FOXP2: variants seen among roughly 807,000 people sequenced by gnomAD.
FOXP2 encodes forkhead box protein P2.
A neutral mutation model predicts 115.8 loss-of-function variants in FOXP2; 12 were observed. The observed-to-expected ratio is 0.10, with a 90% CI of 0.07 to 0.17. FOXP2 has a LOEUF of 0.17. Ranked by LOEUF, FOXP2 falls within the 10% of genes least tolerant of loss-of-function variation. FOXP2 has a pLI of 1.00. For synonymous variants in FOXP2, 328 were observed against 297.7 expected (o/e 1.10, Z -1.05); for missense variants, 629 against 843.5 (o/e 0.75, Z 3.15).
chr7:114,162,161 G>T (rs1792857542), upstream of FOXP2, among the ~76,000 whole-genome samples: 2 of 152,090 alleles, frequency 1.3e-5, no homozygotes, highest in African/African-American at 4.8e-5. Context: ...GATAAAATTT[G>T]AATATAGAAC....
In FOXP2 at chr7:114,333,227, G is replaced by T. The variant is rs528616206; in HGVS notation, c.-11+45118G>T. ...AATTCCAAAGCCCTCCCTTTCCCTG[G>T]AAGAGAAAAGATTATTCATTTGAAG... On this transcript the variant is annotated intron_variant, in intron 2 of 17. Coordinates refer to the FOXP2 transcript ENST00000634411. Among the ~76,000 whole-genome samples, 4 of 152,242 alleles carry T rather than the reference G, an allele frequency of 2.6e-5. No homozygotes were observed. The East Asian group carries it at 7.7e-4, about 29-fold the overall frequency.
chr7:114,313,573 G>A (rs1797198530), intron 2 of FOXP2, among the ~76,000 whole-genome samples: 1 of 82,848 alleles, frequency 1.2e-5, no homozygotes. Context: ...GTGAAACCCC[G>A]TCTCTACTAA....
At chr7:114,290,337 T>G (rs1796562549) in intron 2 of FOXP2, among the ~76,000 whole-genome samples, 1 of 151,998 alleles carries the variant, frequency 6.6e-6, no homozygotes, top group Non-Finnish European at 1.5e-5. Flanking sequence ...TTTGTATATG[T>G]GGGTAAATGC....
intron 3 of FOXP2, among the ~76,000 whole-genome samples, chr7:114,556,901 T>C (rs549317480): frequency 2.0e-5 from 3 of 152,226 alleles, no homozygotes; most frequent in Admixed American, 6.5e-5. Context: ...ACTTTAAAGA[T>C]CTTTTGTATT....
intron 2 of FOXP2, chr7:114,499,159 T>G: frequency 2.1e-6 from 1 of 476,322 alleles, no homozygotes; most frequent in African/African-American, 2.0e-5. Context: ...CTGCAACTTA[T>G]GAGGAATCAT....
chr7:114,306,314 G>T (rs956360862), intron 2 of FOXP2, among the ~76,000 whole-genome samples: 2 of 152,042 alleles, frequency 1.3e-5, no homozygotes, highest in African/African-American at 4.8e-5. Flanking sequence ...GTGCTGCAGG[G>T]GTGATACAAT....
In FOXP2 at chr7:114,585,641, G is replaced by A. The variant is rs187290780; in HGVS notation, c.259-42899G>A. 1.5e-3 allele frequency among the ~76,000 whole-genome samples: 230 copies of A among 150,628 alleles called. 2 individuals carry two copies. In the South Asian group the frequency reaches 0.031, roughly 20 times the overall value. On this transcript the variant is annotated intron_variant, in intron 3 of 16. Transcript: ENST00000350908. ...GCACTTTGGGAAGCTGAAGTGGGCA[G>A]ATCACTGATGGCCAGGAGTTAAAGA...
intron 3 of FOXP2, among the ~76,000 whole-genome samples, chr7:114,621,447 A>T (rs1239210593): frequency 6.6e-6 from 1 of 152,102 alleles, no homozygotes; most frequent in African/African-American, 2.4e-5. Context: ...CCTGGCAGAC[A>T]TGAACTAATC....
intron 16 of FOXP2, among the ~76,000 whole-genome samples, chr7:114,670,248 T>C (rs1308498870): frequency 6.6e-6 from 1 of 152,024 alleles, no homozygotes; most frequent in Non-Finnish European, 1.5e-5. Flanking sequence ...CGTTAATATA[T>C]TGGATATAAT....
intron 2 of FOXP2, among the ~76,000 whole-genome samples, chr7:114,433,632 A>G (rs1383617549): frequency 6.6e-6 from 1 of 151,972 alleles, no homozygotes; most frequent in Non-Finnish European, 1.5e-5. Context: ...CTCTAGGTAT[A>G]AGTGTGCCTT....
intron 12 of FOXP2, 48 bp from the exon 13 acceptor site, chr7:114,659,524 G>T: frequency 4.4e-6 from 7 of 1,586,214 alleles, no homozygotes; most frequent in Admixed American, 1.7e-5. Flanking sequence ...ATCTAGTCTA[G>T]TTAGTAAACC....
At chr7:114,571,407 T>G (rs537717365) in intron 3 of FOXP2, among the ~76,000 whole-genome samples, 32 of 151,996 alleles carry the variant, frequency 2.1e-4, no homozygotes, top group Non-Finnish European at 1.2e-4. Context: ...TGGAAATGGA[T>G]AGTAATCCTC....
At chr7:114,464,448 G>A (rs1008549738) in intron 2 of FOXP2, among the ~76,000 whole-genome samples, 5 of 152,172 alleles carry the variant, frequency 3.3e-5, no homozygotes, top group Admixed American at 1.3e-4. Flanking sequence ...AGAAAAAAAC[G>A]TGTTGTAGGT....
chr7:114,533,362 A>C (rs1419425086), intron 2 of FOXP2, among the ~76,000 whole-genome samples: 1 of 151,872 alleles, frequency 6.6e-6, no homozygotes, highest in African/African-American at 2.4e-5. Flanking sequence ...CCTGAGGGTT[A>C]AGACGTGGCA....
intron 3 of FOXP2, among the ~76,000 whole-genome samples, chr7:114,571,768 T>C (rs529075438): frequency 6.6e-6 from 1 of 151,942 alleles, no homozygotes; most frequent in African/African-American, 2.4e-5. Flanking sequence ...TGTGCATAGG[T>C]TATATGTAAA....
At chr7:114,680,956 A>G (rs1563076387) in intron 16 of FOXP2, among the ~76,000 whole-genome samples, 4 of 152,104 alleles carry the variant, frequency 2.6e-5, no homozygotes, top group Admixed American at 2.0e-4. Context: ...ACTGTCTTTA[A>G]TGAATTATAT....
chr7:114,594,133 C>A (rs576994238), intron 3 of FOXP2, among the ~76,000 whole-genome samples: 10 of 151,968 alleles, frequency 6.6e-5, no homozygotes, highest in African/African-American at 2.4e-4. Context: ...CTGTTTTAAC[C>A]ATATATATTA....
chr7:114,191,385 G>T (rs1793756531), intron 1 of FOXP2, among the ~76,000 whole-genome samples: 1 of 152,188 alleles, frequency 6.6e-6, no homozygotes, highest in East Asian at 1.9e-4. Flanking sequence ...CCCAATGAAA[G>T]TATTTAACTT....
intron 2 of FOXP2, among the ~76,000 whole-genome samples, chr7:114,318,713 A>G (rs1285552864): frequency 1.3e-5 from 2 of 149,562 alleles, no homozygotes; most frequent in Non-Finnish European, 1.5e-5. Flanking sequence ...GATAATTCAT[A>G]TATATATATA....
Sources: gnomAD v4.1 joint callset for allele counts (sites outside exome capture counted in the v4.1 genomes callset) on GRCh38, gnomAD v4.1.1 for gene constraint, MANE v1.5 for transcripts, NCBI Gene and HGNC (gene_info 2026-07-23, HGNC 2026-07-21) for gene names.